The following MYO7A variants were observed in gnomAD, a reference collection of about 807,000 sequenced individuals.
MYO7A encodes the protein unconventional myosin-VIIa.
MYO7A carries 210 observed loss-of-function variants against 263.8 expected under a neutral mutation model. That is an observed-to-expected ratio of 0.80 (90% CI 0.71 to 0.89). MYO7A has a LOEUF of 0.89. Among genes scored for constraint, MYO7A ranks in the 40% least tolerant of loss-of-function variants. MYO7A has a pLI of 0.00. For synonymous variants in MYO7A, 1,239 were observed against 1,197.3 expected (o/e 1.03, Z -0.72); for missense variants, 2,820 against 2,968.3 (o/e 0.95, Z 1.16).
At chr11:77,174,282 C>T (rs1445777997) in intron 16 of MYO7A, among the ~76,000 whole-genome samples, 1 of 152,190 alleles carries the variant, frequency 6.6e-6, no homozygotes, top group East Asian at 1.9e-4. Context: ...TCTACAATAC[C>T]TGCAACGTGA....
chr11:77,180,716 GC>G (rs1265736511), intron 22 of MYO7A, among the ~76,000 whole-genome samples: 2 of 152,208 alleles, frequency 1.3e-5, no homozygotes, highest in African/African-American at 2.4e-5. Context: ...GCCCTCAGCA[GC>G]CCCTTTCTAG....
intron 37 of MYO7A, 59 bp downstream of exon 37, chr11:77,202,483 C>T: frequency 6.5e-7 from 1 of 1,528,404 alleles, no homozygotes; most frequent in Non-Finnish European, 8.8e-7. Context: ...GCTTCCGCTA[C>T]TGTCTGGTCG....
In MYO7A at chr11:77,192,132, C is replaced by T. The variant is rs750647872; in HGVS notation, c.4006C>T (p.Gln1336Ter). Residue 1336 changes from glutamine to a stop codon, truncating the protein, a stop_gained, in exon 31 of 49, where the codon CAG (glutamine) becomes TAG (stop). Coordinates refer to ENST00000409709, the MANE Select transcript of MYO7A (RefSeq NM_000260.4). LOFTEE classifies it high-confidence loss of function. ...CEQYAKEQGA[Q>*]ERNAPWRLFF... is the part of the protein sequence containing the mutation. ...GCAGTACGCCAAGGAGCAGGGCGCC[C>T]AGGAGCGCAACGCCCCCTGGAGGCT... 14 of 1,613,968 alleles carry T rather than the reference C, an allele frequency of 8.7e-6. No individual in the cohort carries two copies. The Admixed American group carries it at 1.5e-4, about 17-fold the overall frequency.
At chr11:77,165,772 G>A (rs557916747) in intron 14 of MYO7A, among the ~76,000 whole-genome samples, 13 of 152,272 alleles carry the variant, frequency 8.5e-5, no homozygotes, top group Middle Eastern at 3.4e-3. Flanking sequence ...GGTAGCTTTG[G>A]GGTGGTTGGT....
rs541815375 is a variant in MYO7A, at chr11:77,182,855, C to T, written c.3286-213C>T. ...GGGCTTTGCAGTTGGAGCCAGCTCCCGTACTATGTTTTTCTGAGTCTCAGT... is the reference window on the plus strand; with the variant it reads ...GGGCTTTGCAGTTGGAGCCAGCTCCTGTACTATGTTTTTCTGAGTCTCAGT... On this transcript the variant is annotated intron_variant, in intron 25 of 48. Coordinates refer to ENST00000409709, the MANE Select transcript of MYO7A (RefSeq NM_000260.4). Among the ~76,000 whole-genome samples, 7 of 152,334 alleles carry T rather than the reference C, an allele frequency of 4.6e-5. 1 individual carries two copies. Among genetic ancestry groups the T allele is most frequent in the African/African-American group, 1.2e-4 (5 of 41,570 alleles).
chr11:77,165,888 T>C (rs776315942), intron 14 of MYO7A, among the ~76,000 whole-genome samples, 168 bp from the exon 15 acceptor site: 12 of 151,582 alleles, frequency 7.9e-5, no homozygotes, highest in Non-Finnish European at 1.5e-4. Context: ...CCTCACTTTC[T>C]CTATGATCTT....
In MYO7A at chr11:77,183,095, A is replaced by T; in HGVS notation, c.3313A>T (p.Ser1105Cys). 1 of 1,551,870 alleles carries T rather than the reference A, an allele frequency of 6.4e-7. No individual in the cohort carries two copies. Among genetic ancestry groups the T allele is most frequent in the Non-Finnish European group, 8.7e-7 (1 of 1,147,406 alleles). Residue 1105 changes from serine to cysteine, a missense_variant, in exon 26 of 49, where the codon AGC becomes TGC. Physicochemically the swap from Ser to Cys is moderately radical, Grantham distance 112 (BLOSUM62 -1). Coordinates refer to ENST00000409709, the MANE Select transcript of MYO7A (RefSeq NM_000260.4). ...CCAGCTCCCCGAGGGCCAGAAGAAG[A>T]GCAGTGTGAGGCACAAGCTGGTGCA... ...EAQLPEGQKK[S>C]SVRHKLVHLT...
At chr11:77,186,090 T>A (rs1404358088) in intron 27 of MYO7A, among the ~76,000 whole-genome samples, 2 of 144,952 alleles carry the variant, frequency 1.4e-5, no homozygotes, top group East Asian at 4.0e-4. Context: ...ATCCAGCTAA[T>A]TTTTGTATTT....
intron 4 of MYO7A, 86 bp downstream of exon 4, chr11:77,148,036 G>T: frequency 2.5e-6 from 3 of 1,191,386 alleles, no homozygotes; most frequent in Non-Finnish European, 3.3e-6. Context: ...ACTTGCCTCC[G>T]GCCCCGCCCT....
rs1955004865 is a variant in MYO7A at position 77,179,716 on chromosome 11, G to A, written c.2368-19G>A. The stretch of plus-strand genomic sequence containing the variant: ...GAATGGGACAGCAGGCTCTGAGCAT[G>A]GGGTGGCTGTCCTTGCAGATGCGTC... On this transcript the variant is annotated intron_variant, in intron 20 of 48. Transcript: ENST00000409709. 6.6e-7 allele frequency: 1 copy of A among 1,517,990 alleles called. No individual in the cohort carries two copies. 94.0% of individuals were successfully genotyped at this position (1,517,990 alleles called of 1,614,324 possible).
At chr11:77,196,645 C>G (rs1177863649) in intron 32 of MYO7A, among the ~76,000 whole-genome samples, 1 of 152,158 alleles carries the variant, frequency 6.6e-6, no homozygotes, top group Non-Finnish European at 1.5e-5. Context: ...TATGTATTTT[C>G]TCTGAGTCAT....
chr11:77,181,811 G>A, intron 23 of MYO7A, 140 bp from the exon 24 acceptor site: 2 of 719,398 alleles, frequency 2.8e-6, no homozygotes, highest in South Asian at 1.9e-5. Flanking sequence ...TTGAGATGGG[G>A]TCGTACCCTG....
In MYO7A at chr11:77,130,590, A is replaced by T; in HGVS notation, c.-45A>T. The T allele has an allele frequency of 1.2e-6, 2 of 1,610,408 alleles. No homozygotes were observed. On this transcript the variant is annotated splice_region_variant and 5_prime_UTR_variant, in exon 2 of 49. Coordinates refer to ENST00000409709, the MANE Select transcript of MYO7A (RefSeq NM_000260.4). ...ATGACATGGTCTCTCTCCCTGCAGA[A>T]CTGTGCCTGGCCCAGTGGGCAGCAG...
intron 2 of MYO7A, among the ~76,000 whole-genome samples, chr11:77,133,915 A>G (rs1950839327): frequency 6.6e-6 from 1 of 152,068 alleles, no homozygotes; most frequent in African/African-American, 2.4e-5. Context: ...CTCAATGATT[A>G]TTCTTAGGTT....
intron 11 of MYO7A, 137 bp downstream of exon 11, chr11:77,160,419 G>T: frequency 7.7e-7 from 1 of 1,302,286 alleles, no homozygotes; most frequent in Non-Finnish European, 1.0e-6. Context: ...GCTGCAGTCG[G>T]CCTTCCTTGA....
chr11:77,212,629 T>G, intron 46 of MYO7A: 1 of 430,986 alleles, frequency 2.3e-6, no homozygotes, highest in East Asian at 4.6e-5. Context: ...ATGGGAGGCC[T>G]TTTGAGGAGC....
In MYO7A at chr11:77,190,679, C is replaced by T. The variant is rs1464466772; in HGVS notation, c.3751-18C>T. Reference sequence around the variant, plus strand: ...CTGAAGGGAAGGGACCCCACAAACCCTCTTGGGGCACTTCCAGGCCACCAA... The same window carrying T: ...CTGAAGGGAAGGGACCCCACAAACCTTCTTGGGGCACTTCCAGGCCACCAA... On this transcript the variant is annotated intron_variant, in intron 29 of 48. Transcript: ENST00000409709. The T allele has an allele frequency of 1.9e-6, 3 of 1,575,296 alleles. No homozygotes were observed. The highest frequency in any genetic ancestry group is 1.3e-5 in the African/African-American group (1 of 74,130).
chr11:77,181,844 G>T, intron 23 of MYO7A, 107 bp from the exon 24 acceptor site: 1 of 876,482 alleles, frequency 1.1e-6, no homozygotes. Context: ...GAGTGCAGTA[G>T]CGTGATCACA....
At chr11:77,160,321 CTTGGG>C in intron 11 of MYO7A, 39 bp downstream of exon 11, 1 of 1,536,832 alleles carries the variant, frequency 6.5e-7, no homozygotes, top group Non-Finnish European at 8.8e-7. Flanking sequence ...CGCCCTACCC[CTTGGG>C]AAGTTGGGCT....
Sources: gnomAD v4.1 joint callset for allele counts (sites outside exome capture counted in the v4.1 genomes callset) on GRCh38, gnomAD v4.1.1 for gene constraint, MANE v1.5 for transcripts, NCBI Gene and HGNC (gene_info 2026-07-23, HGNC 2026-07-21) for gene names.